Variants in C21orf58 observed in about 807,000 individuals in gnomAD.
C21orf58 encodes uncharacterized protein C21orf58.
C21orf58 carries 34 observed loss-of-function variants against 35.8 expected under a neutral mutation model. The observed-to-expected ratio is 0.95, with a 90% confidence interval of 0.72 to 1.26. C21orf58 has a LOEUF of 1.26. Ranked by LOEUF, C21orf58 falls within the 50% of genes most tolerant of loss-of-function variation. The probability of loss-of-function intolerance (pLI) is 0.00; values close to 1 mark genes in which losing one functional copy is unlikely to be tolerated. For synonymous variants in C21orf58, 191 were observed against 175.8 expected (o/e 1.09, Z -0.68); for missense variants, 440 against 414.3 (o/e 1.06, Z -0.54).
At position 46,323,817 on chromosome 21, in the gene C21orf58, G is replaced by C. The variant is rs942084826; in HGVS notation, c.-1079C>G. ...TGCAGGGAGCCCGGCCCGCTGTCCTGGTGGACACAAAGCCCAGGGGCCGCC... is the reference window on the plus strand; with the variant it reads ...TGCAGGGAGCCCGGCCCGCTGTCCTCGTGGACACAAAGCCCAGGGGCCGCC... On this transcript the variant is annotated 5_prime_UTR_variant, in exon 1 of 8. Coordinates refer to ENST00000291691, the MANE Select transcript of C21orf58 (RefSeq NM_058180.5). 5 of 338,768 alleles carry C rather than the reference G, an allele frequency of 1.5e-5. No individual in the cohort carries two copies. The highest frequency in any genetic ancestry group is 4.2e-5 in the Admixed American group (1 of 24,046). 21.0% of individuals were successfully genotyped at this position (338,768 alleles called of 1,614,324 possible). A position where few individuals can be genotyped will look rare whatever the true frequency, so the allele number is the denominator to read the frequency against.
At position 46,302,891 on chromosome 21, in the gene C21orf58, G is replaced by T. The variant is rs1158325245; in HGVS notation, c.722-315C>A. On this transcript the variant is annotated intron_variant, in intron 6 of 7. Transcript: ENST00000291691. ...CTGAGCCCGTCTGCACACGGTGCGG[G>T]TCCCCGGGGCGCGCCCTGAGCCCGT... 3.3e-5 allele frequency among the ~76,000 whole-genome samples: 3 copies of T among 89,806 alleles called. No individual in the cohort carries two copies. In the South Asian group the frequency reaches 1.6e-3, roughly 47 times the overall value. 58.9% of individuals were successfully genotyped at this position (89,806 alleles called of 152,430 possible). A position where few individuals can be genotyped will look rare whatever the true frequency, so the allele number is the denominator to read the frequency against.
chr21:46,312,078 C>T (rs71326316), intron 5 of C21orf58, among the ~76,000 whole-genome samples: 1 of 150,894 alleles, frequency 6.6e-6, no homozygotes, highest in East Asian at 2.0e-4. Context: ...CATCCATCCA[C>T]CCACCCATCC....
In C21orf58 at chr21:46,322,723, G is replaced by A. The variant is rs1178117673; in HGVS notation, c.16C>T (p.Leu6Phe). ...GGCTTCCTGAGGGAGGTTGCAGGGAGCCGAGATCGCGCCATTGCGCTATAG... is the reference window on the plus strand; with the variant it reads ...GGCTTCCTGAGGGAGGTTGCAGGGAACCGAGATCGCGCCATTGCGCTATAG... MARSR[L>F]PATSLRKPWK... Residue 6 changes from leucine to phenylalanine, a missense_variant, in exon 1 of 8, where the codon CTC becomes TTC. Physicochemically the swap from Leu to Phe is conservative, Grantham distance 22 (BLOSUM62 0). Coordinates refer to ENST00000291691, the MANE Select transcript of C21orf58 (RefSeq NM_058180.5). 6.5e-7 allele frequency: 1 copy of A among 1,545,952 alleles called. No individual in the cohort carries two copies. The highest frequency in any genetic ancestry group is 2.4e-5 in the East Asian group (1 of 41,106).
chr21:46,322,465 C>G, intron 1 of C21orf58, 174 bp downstream of exon 1: 2 of 985,384 alleles, frequency 2.0e-6, no homozygotes, highest in Non-Finnish European at 1.2e-6. Context: ...TTGTGAGATT[C>G]AGGCGCGGTC....
intron 6 of C21orf58, among the ~76,000 whole-genome samples, chr21:46,307,592 G>A (rs2082480156): frequency 6.6e-6 from 1 of 152,132 alleles, no homozygotes; most frequent in African/African-American, 2.4e-5. Context: ...GCCACTCCAG[G>A]GGCTCCTCAT....
At chr21:46,318,592 C>A (rs1022386028) in intron 1 of C21orf58, 17 of 1,125,968 alleles carry the variant, frequency 1.5e-5, no homozygotes, top group Non-Finnish European at 1.9e-5. Context: ...TAATACCTCC[C>A]TCCTAGGGAC....
intron 1 of C21orf58, among the ~76,000 whole-genome samples, chr21:46,321,083 G>A (rs2083138515): frequency 6.6e-6 from 1 of 152,038 alleles, no homozygotes; most frequent in East Asian, 1.9e-4. Flanking sequence ...GAGTAATTGA[G>A]AAGATAGTAC....
intron 5 of C21orf58, among the ~76,000 whole-genome samples, chr21:46,312,334 T>C (rs1037678742): frequency 2.0e-5 from 3 of 152,170 alleles, no homozygotes; most frequent in Admixed American, 6.5e-5. Context: ...TTGTTTTTTT[T>C]TGAGACAAAG....
chr21:46,318,497 T>C (rs2083057234), intron 1 of C21orf58: 1 of 1,337,642 alleles, frequency 7.5e-7, no homozygotes, highest in Non-Finnish European at 9.6e-7. Context: ...CGTGACCCCC[T>C]ATGCACCACC....
intron 3 of C21orf58, 22 bp from the exon 4 acceptor site, chr21:46,315,569 C>T: frequency 1.3e-6 from 2 of 1,556,736 alleles, no homozygotes; most frequent in Non-Finnish European, 1.8e-6. Context: ...AACCTGCTTG[C>T]TTACCAAGGA....
chr21:46,308,198 C>T (rs2082509698), intron 6 of C21orf58, among the ~76,000 whole-genome samples: 1 of 152,124 alleles, frequency 6.6e-6, no homozygotes, highest in Non-Finnish European at 1.5e-5. Flanking sequence ...CGCGGTGGCT[C>T]ACGCCCATAA....
Position 46,302,144 on chromosome 21 carries a change from T to C in C21orf58, c.824A>G (p.His275Arg). ...ALPPALQDPP[H>R]VPPRVPRAAR... ...AGCTCGTGGGACCCTCGGGGGCACA[T>C]GTGGCGGGTCCTGCCACAGACGCAC... The change falls in exon 8 of 8, where the codon CAT becomes CGT. Residue 275 changes from histidine to arginine, a missense_variant. Transcript: ENST00000291691. 1 of 1,496,040 alleles carries C rather than the reference T, an allele frequency of 6.7e-7. No individual in the cohort carries two copies. Among genetic ancestry groups the C allele is most frequent in the Non-Finnish European group, 8.9e-7 (1 of 1,121,658 alleles). 92.7% of individuals were successfully genotyped at this position (1,496,040 alleles called of 1,614,324 possible).
intron 3 of C21orf58, among the ~76,000 whole-genome samples, chr21:46,316,213 T>G (rs75931940): frequency 0.067 from 10,107 of 151,254 alleles, 1,082 homozygotes; most frequent in African/African-American, 0.23. Flanking sequence ...CTCAGCACTT[T>G]AGGAGGCCGA....
chr21:46,322,844 A>G lies in C21orf58; in HGVS notation c.-106T>C. 1 of 742,766 alleles carries G rather than the reference A, an allele frequency of 1.3e-6. No individual in the cohort carries two copies. The highest frequency in any genetic ancestry group is 2.0e-6 in the Non-Finnish European group (1 of 495,422). 46.0% of individuals were successfully genotyped at this position (742,766 alleles called of 1,614,324 possible). A position where few individuals can be genotyped will look rare whatever the true frequency, so the allele number is the denominator to read the frequency against. On this transcript the variant is annotated 5_prime_UTR_variant, in exon 1 of 8. Coordinates refer to ENST00000291691, the MANE Select transcript of C21orf58 (RefSeq NM_058180.5). Reference sequence around the variant, plus strand: ...GGGCGCGTTTAAGTTGCAGTTGCTGAGGAGGCTGCAAGGTGAGCTTGCGTC... The same window carrying G: ...GGGCGCGTTTAAGTTGCAGTTGCTGGGGAGGCTGCAAGGTGAGCTTGCGTC...
At chr21:46,313,564 ATACACAG>A (rs1480578151) in intron 5 of C21orf58, among the ~76,000 whole-genome samples, 1 of 152,190 alleles carries the variant, frequency 6.6e-6, no homozygotes. Context: ...GCCCTGATGG[ATACACAG>A]TAAGCATAGA....
intron 1 of C21orf58, chr21:46,320,813 T>TC (rs2083130592): frequency 2.0e-5 from 3 of 152,288 alleles, no homozygotes; most frequent in African/African-American, 7.2e-5. Flanking sequence ...TAACTTTTTT[T>TC]CCTCTCCTCT....
intron 5 of C21orf58, chr21:46,313,020 G>C: frequency 1.0e-6 from 1 of 985,430 alleles, no homozygotes; most frequent in Non-Finnish European, 1.2e-6. Context: ...GAGGCTGCCT[G>C]GCCTTGTCCC....
At chr21:46,302,188 C>T (rs1433752913) in intron 7 of C21orf58, 34 bp from the exon 8 acceptor site, 2 of 1,440,442 alleles carry the variant, frequency 1.4e-6, no homozygotes, top group African/African-American at 1.4e-5. Context: ...TAGGACGCAG[C>T]CCAGGCTGCT....
intron 6 of C21orf58, among the ~76,000 whole-genome samples, chr21:46,310,871 T>A (rs2082652451): frequency 6.6e-6 from 1 of 151,822 alleles, no homozygotes; most frequent in Non-Finnish European, 1.5e-5. Flanking sequence ...AAGCTATTAT[T>A]ATTATTATTA....
Sources: allele counts gnomAD v4.1 joint callset (sites outside exome capture counted in the v4.1 genomes callset), GRCh38; gene constraint gnomAD v4.1.1; transcripts MANE v1.5; gene names NCBI Gene and HGNC (gene_info 2026-07-23, HGNC 2026-07-21).